The following INO80E variants were observed in gnomAD, a reference collection of about 807,000 sequenced individuals.
The protein encoded by INO80E is coiled-coil domain containing 95.
INO80E carries 20 observed loss-of-function variants against 27.3 expected under a neutral mutation model. The observed-to-expected ratio is 0.73, with a 90% CI of 0.51 to 1.06. The LOEUF (loss-of-function observed/expected upper bound fraction) is 1.06, where lower values mean the gene tolerates loss of function less well. Ranked by LOEUF, INO80E falls within the 50% of genes least tolerant of loss-of-function variation. The pLI is 0.00. For missense variants in INO80E, 357 were observed against 322.8 expected (o/e 1.11, Z -0.81); for synonymous variants, 167 against 145.9 (o/e 1.14, Z -1.04).
chr16:30,001,458 C>T lies in INO80E; in HGVS notation c.441C>T (p.Ala147=). 6.2e-7 allele frequency: 1 copy of T among 1,612,834 alleles called. No individual in the cohort carries two copies. Among genetic ancestry groups the T allele is most frequent in the Non-Finnish European group, 8.5e-7 (1 of 1,179,532 alleles). The part of the protein sequence containing the change: ...RYPPFPSDYL[A]LQLPEPSPLR... ...CCCCATTCCCTTCTGACTACCTGGC[C>T]CTGCAGCTGCCCGAGCCCAGTCCCC... The change falls in exon 6 of 7, where the codon GCC becomes GCT. Residue 147 remains alanine (A), a synonymous_variant. Transcript: ENST00000563197.
In INO80E at chr16:30,000,962, T is replaced by A. The variant is rs1164598069; in HGVS notation, c.318T>A (p.Ser106=). ...KRSPPLGGAP[S]PSSLSLPPST... ...GCCCTCCGCTGGGGGGCGCCCCCTC[T>A]CCCTCCAGCCTCTCCCTGCCTCCTT... The change falls in exon 5 of 7, where the codon TCT becomes TCA. Residue 106 remains serine, a synonymous_variant. Transcript: ENST00000563197. 1 of 1,577,564 alleles carries A rather than the reference T, an allele frequency of 6.3e-7. No individual in the cohort carries two copies. Among genetic ancestry groups the A allele is most frequent in the Non-Finnish European group, 8.6e-7 (1 of 1,158,454 alleles).
chr16:30,000,281 G>A (rs920429499), intron 3 of INO80E, among the ~76,000 whole-genome samples: 1 of 152,118 alleles, frequency 6.6e-6, no homozygotes, highest in Non-Finnish European at 1.5e-5. Context: ...AGAGGCTATG[G>A]GCCTCCCTGG....
rs2070542092 is a variant in INO80E at position 30,005,458 on chromosome 16, A to G, written c.*16A>G. On this transcript the variant is annotated 3_prime_UTR_variant, in exon 7 of 7. Transcript: ENST00000563197. ...CCCGGAGTGACCGTGACATCACGCC[A>G]TGCCCACCACGGCCCCGCCCGGCGC... The G allele has an allele frequency of 6.3e-7, 1 of 1,584,530 alleles. No individual in the cohort carries two copies. The highest frequency in any genetic ancestry group is 8.6e-7 in the Non-Finnish European group (1 of 1,166,010).
chr16:30,001,119 A>C, intron 5 of INO80E, 79 bp downstream of exon 5: 2 of 1,478,240 alleles, frequency 1.4e-6, no homozygotes, highest in Non-Finnish European at 1.8e-6. Context: ...CCTCGGGGCA[A>C]GGCCAGCCCA....
chr16:30,001,693 G>T (rs972222271), intron 6 of INO80E, 163 bp downstream of exon 6: 3 of 661,388 alleles, frequency 4.5e-6, no homozygotes, highest in African/African-American at 1.8e-5. Context: ...CGGCTTACAG[G>T]CTTGTATGGA....
intron 3 of INO80E, among the ~76,000 whole-genome samples, chr16:29,998,783 C>T (rs1239829587): frequency 6.6e-6 from 1 of 152,134 alleles, no homozygotes; most frequent in Non-Finnish European, 1.5e-5. Context: ...CGGTGGCTCA[C>T]GCTTGTAATC....
At position 29,996,753 on chromosome 16, in the gene INO80E, G is replaced by A. The variant is rs2070134601; in HGVS notation, c.153-55G>A. On this transcript the variant is annotated intron_variant, in intron 2 of 6. Coordinates refer to ENST00000563197, the MANE Select transcript of INO80E (RefSeq NM_173618.3). ...GCCAGCTGGGAGGGACAGGTACCCAGGAGGACATTGCTGCGCTGGAAAATC... is the reference window on the plus strand; with the variant it reads ...GCCAGCTGGGAGGGACAGGTACCCAAGAGGACATTGCTGCGCTGGAAAATC... The A allele has an allele frequency of 1.9e-6, 3 of 1,603,596 alleles. No homozygotes were observed. In the Admixed American group the frequency reaches 5.0e-5, roughly 27 times the overall value.
chr16:30,000,208 C>T (rs988807610), intron 3 of INO80E, among the ~76,000 whole-genome samples: 7 of 151,912 alleles, frequency 4.6e-5, no homozygotes. Flanking sequence ...GCCTGGCACC[C>T]TGGCCATGCG....
Position 30,005,706 on chromosome 16 carries a change from C to T in INO80E, c.*264C>T. ...TGCCACCTGCTGGGGAGGCAGAGAC[C>T]CTGCAATGGCCACCTCTTTAAAAGG... On this transcript the variant is annotated 3_prime_UTR_variant, in exon 7 of 7. Transcript: ENST00000563197. The T allele has an allele frequency of 5.6e-6, 3 of 537,666 alleles. No individual in the cohort carries two copies. The highest frequency in any genetic ancestry group is 9.8e-6 in the Non-Finnish European group (3 of 307,680). 33.3% of individuals were successfully genotyped at this position (537,666 alleles called of 1,614,324 possible). A position where few individuals can be genotyped will look rare whatever the true frequency, so the allele number is the denominator to read the frequency against.
chr16:30,001,506 GC>G lies in INO80E; in HGVS notation c.493del (p.Arg165AlafsTer21), dbSNP rs774046380. On this transcript the variant is annotated frameshift_variant, in exon 6 of 7. Coordinates refer to ENST00000563197, the MANE Select transcript of INO80E (RefSeq NM_173618.3). LOFTEE classifies it high-confidence loss of function. ...SPLRPKREKR[P>X]RLPRKLKMAV... ...CCCTGAGGCCCAAGCGGGAGAAACG[GC>G]CCCGCCTGCCCCGGAAACTCAAGGT... The G allele has an allele frequency of 1.8e-5, 29 of 1,611,750 alleles. No homozygotes were observed. Among genetic ancestry groups the G allele is most frequent in the Middle Eastern group, 1.6e-4 (1 of 6,072 alleles).
chr16:30,004,293 A>C (rs2070458720), intron 6 of INO80E: 2 of 152,334 alleles, frequency 1.3e-5, no homozygotes, highest in African/African-American at 4.8e-5. Flanking sequence ...CACCTGACAC[A>C]CAGCAGGTGC....
Position 30,003,926 on chromosome 16 carries a change from G to C in INO80E, c.514-1295G>C, listed in dbSNP as rs1216240158. ...GGCGTGGGGGTGCTGTTCAGAGTTGGACCCCCCATCATCCATCCTGCCAGC... is the reference window on the plus strand; with the variant it reads ...GGCGTGGGGGTGCTGTTCAGAGTTGCACCCCCCATCATCCATCCTGCCAGC... On this transcript the variant is annotated intron_variant, in intron 6 of 6. Coordinates refer to ENST00000563197, the MANE Select transcript of INO80E (RefSeq NM_173618.3). This position sits in a 1 kb window ranked among gnomAD's most constrained non-coding sequence, Gnocchi z 4.4. 6.6e-6 allele frequency: 1 copy of C among 152,400 alleles called. No homozygotes were observed. The highest frequency in any genetic ancestry group is 1.5e-5 in the Non-Finnish European group (1 of 68,260). The allele number at this position is 152,400 out of a possible 1,614,324, so 9.4% of individuals were successfully genotyped here.
chr16:30,001,406 G>T lies in INO80E; in HGVS notation c.397-8G>T. On this transcript the variant is annotated splice_region_variant and splice_polypyrimidine_tract_variant and intron_variant, in intron 5 of 6. Transcript: ENST00000563197. ...GCCTCCCATCTCCATCCCCGCTCCC[G>T]CCCGCAGCTGGCCTCCTCCCGCTAC... 1.3e-6 allele frequency: 2 copies of T among 1,580,338 alleles called. No homozygotes were observed. Among genetic ancestry groups the T allele is most frequent in the East Asian group, 2.3e-5 (1 of 43,240 alleles).
intron 6 of INO80E, 100 bp downstream of exon 6, chr16:30,001,630 T>A: frequency 1.8e-6 from 2 of 1,133,378 alleles, no homozygotes; most frequent in Non-Finnish European, 2.5e-6. Context: ...CATGAACAGT[T>A]AATTTGGGGA....
intron 3 of INO80E, among the ~76,000 whole-genome samples, chr16:29,998,819 G>A (rs980775560): frequency 6.6e-6 from 1 of 152,208 alleles, no homozygotes; most frequent in African/African-American, 2.4e-5. Context: ...GCCGAGGCAG[G>A]CAGATCACGA....
rs2070360933 is a variant in INO80E at position 30,001,647 on chromosome 16, C to G, written c.513+117C>G. The G allele has an allele frequency of 2.2e-5, 21 of 936,114 alleles. No individual in the cohort carries two copies. In the South Asian group the frequency reaches 3.4e-4, roughly 15 times the overall value. 58.0% of individuals were successfully genotyped at this position (936,114 alleles called of 1,614,324 possible). On this transcript the variant is annotated intron_variant, in intron 6 of 6. Coordinates refer to ENST00000563197, the MANE Select transcript of INO80E (RefSeq NM_173618.3). ...TGAACAGTTAATTTGGGGACCCAGT[C>G]AGCACTTAGCACTGAGGGGTGGATC...
At chr16:29,996,686 A>G (rs748132424) in intron 2 of INO80E, 69 bp downstream of exon 2, 203 of 1,587,744 alleles carry the variant, frequency 1.3e-4, no homozygotes, top group Non-Finnish European at 1.7e-4. Flanking sequence ...CCCATCCCCG[A>G]GTAGGGCCAC....
chr16:30,001,254 G>A, intron 5 of INO80E, 160 bp from the exon 6 acceptor site: 2 of 1,491,228 alleles, frequency 1.3e-6, no homozygotes, highest in South Asian at 1.3e-5. Context: ...GCCCAGGACA[G>A]CATCCTGCTG....
At chr16:30,000,358 T>C (rs1374944535) in intron 3 of INO80E, among the ~76,000 whole-genome samples, 1 of 152,034 alleles carries the variant, frequency 6.6e-6, no homozygotes, top group South Asian at 2.1e-4. Flanking sequence ...CCGGGGCCCT[T>C]CTGTTAGGTT....
Sources: allele counts gnomAD v4.1 joint callset (sites outside exome capture counted in the v4.1 genomes callset), GRCh38; gene constraint gnomAD v4.1.1; non-coding constraint Gnocchi (gnomAD v3.1); transcripts MANE v1.5; gene names NCBI Gene and HGNC (gene_info 2026-07-23, HGNC 2026-07-21).